The following CDH9 variants were observed in gnomAD, a reference collection of about 807,000 sequenced individuals.
CDH9 encodes the protein cadherin-9.
Under a neutral mutation model 70.9 loss-of-function variants are expected in CDH9, and 28 were observed. The observed-to-expected ratio is 0.40, with a 90% CI of 0.29 to 0.54. The LOEUF is 0.54. CDH9 is among the 20% of genes least tolerant of loss of function. The probability of loss-of-function intolerance (pLI) is 0.59; values close to 1 mark genes in which losing one functional copy is unlikely to be tolerated. For synonymous variants in CDH9, 409 were observed against 343.1 expected (o/e 1.19, Z -2.12); for missense variants, 874 against 984.4 (o/e 0.89, Z 1.50).
intron 2 of CDH9, among the ~76,000 whole-genome samples, chr5:26,963,387 T>C (rs998827285): frequency 6.6e-6 from 1 of 152,176 alleles, no homozygotes; most frequent in Non-Finnish European, 1.5e-5. Flanking sequence ...TCTCAAAATG[T>C]ATATAGAAAA....
chr5:26,926,986 A>G (rs1219363161), intron 2 of CDH9, among the ~76,000 whole-genome samples: 1 of 149,806 alleles, frequency 6.7e-6, no homozygotes, highest in Admixed American at 6.6e-5. Context: ...CTTGATAAAT[A>G]TTGACACAAA....
chr5:26,968,429 G>C (rs1477229211), intron 2 of CDH9, among the ~76,000 whole-genome samples: 1 of 151,984 alleles, frequency 6.6e-6, no homozygotes, highest in Non-Finnish European at 1.5e-5. Context: ...GGGACTATAG[G>C]AGCGCATCAC....
chr5:26,982,249 T>C (rs1742411621), intron 2 of CDH9, among the ~76,000 whole-genome samples: 1 of 152,056 alleles, frequency 6.6e-6, no homozygotes, highest in Admixed American at 6.6e-5. Context: ...GTGGTGGAAG[T>C]GTAAAACAAA....
intron 2 of CDH9, among the ~76,000 whole-genome samples, chr5:26,938,081 G>A (rs1195768765): frequency 6.6e-6 from 1 of 151,918 alleles, no homozygotes; most frequent in Admixed American, 6.6e-5. Flanking sequence ...GGGGCAAGGT[G>A]TAGAGGGAGG....
chr5:26,993,996 G>T (rs989256229), intron 1 of CDH9, among the ~76,000 whole-genome samples: 3 of 152,104 alleles, frequency 2.0e-5, no homozygotes, highest in African/African-American at 7.2e-5. Flanking sequence ...AGTTTGCCTT[G>T]TTGGGTTTTA....
intron 2 of CDH9, among the ~76,000 whole-genome samples, chr5:26,927,414 T>A (rs551759713): frequency 7.6e-4 from 115 of 152,104 alleles, no homozygotes; most frequent in Non-Finnish European, 1.5e-5. Context: ...GAGAAAGACA[T>A]AAATGGCATC....
intron 11 of CDH9, among the ~76,000 whole-genome samples, chr5:26,884,522 A>T (rs1365419121): frequency 6.6e-6 from 1 of 152,142 alleles, no homozygotes; most frequent in East Asian, 1.9e-4. Context: ...GTAGGTGGGG[A>T]TTGAAACTGC....
chr5:26,947,232 C>A (rs1167795069), intron 2 of CDH9, among the ~76,000 whole-genome samples: 1 of 152,112 alleles, frequency 6.6e-6, no homozygotes. Flanking sequence ...AATGATCATG[C>A]TGAGAAATTT....
In CDH9 at chr5:26,893,700, TA is replaced by T. The variant is rs202130434; in HGVS notation, c.1254-3137del. 4.6e-3 allele frequency among the ~76,000 whole-genome samples: 645 copies of T among 139,512 alleles called. 4 individuals carry two copies. The highest frequency in any genetic ancestry group is 0.013 in the African/African-American group (518 of 39,968). 91.5% of individuals were successfully genotyped at this position (139,512 alleles called of 152,430 possible). On this transcript the variant is annotated intron_variant, in intron 7 of 11. Transcript: ENST00000231021. The stretch of plus-strand genomic sequence containing the variant: ...ATATATATTTTATTTTATTTTATTT[TA>T]TTTTTATTTTTGGAAGCAAATGTCA...
chr5:26,883,773 ATCAGGCTGAAAAGTGT>A (rs1740514312), intron 11 of CDH9, among the ~76,000 whole-genome samples: 1 of 118,308 alleles, frequency 8.5e-6, no homozygotes, highest in African/African-American at 2.7e-5. Flanking sequence ...CATTCTTTTC[ATCAGGCTGAAAAGTGT>A]CCCTACAACC....
Position 27,034,719 on chromosome 5 carries a change from C to A in CDH9, c.-50+3744G>T, listed in dbSNP as rs968801435. The stretch of plus-strand genomic sequence containing the variant: ...TTTCTTGGAAATGTTAATATGAAAT[C>A]TCTTGGTCAGGCTCCAGAGACCCTG... On this transcript the variant is annotated intron_variant, in intron 1 of 11. Transcript: ENST00000231021. Among the ~76,000 whole-genome samples the A allele has an allele frequency of 2.6e-4, 40 of 151,564 alleles. 1 individual carries two copies. The highest frequency in any genetic ancestry group is 2.6e-3 in the Admixed American group (39 of 15,142).
At chr5:26,893,960 T>C (rs975251859) in intron 7 of CDH9, among the ~76,000 whole-genome samples, 4 of 152,172 alleles carry the variant, frequency 2.6e-5, no homozygotes, top group African/African-American at 9.6e-5. Context: ...ATCACTATTA[T>C]AAGGTTTTTG....
intron 8 of CDH9, 49 bp downstream of exon 8, chr5:26,890,379 C>A (rs1348711331): frequency 1.9e-6 from 3 of 1,542,476 alleles, no homozygotes; most frequent in Non-Finnish European, 2.7e-6. Flanking sequence ...TATTATTTTA[C>A]CACTTTGATG....
chr5:26,881,157 A>T lies in CDH9; in HGVS notation c.2349T>A (p.Gly783=). ...CCTCTTAGTCTCGGTCACTATCATC[A>T]CCCCCATACATATCGGCAAGTTTTT... is the stretch of plus-strand genomic sequence containing the variant. ...RFKKLADMYG[G]DDSDRD is the part of the protein sequence containing the mutation. Residue 783 remains glycine (G), a synonymous_variant, in exon 12 of 12, where the codon GGT becomes GGA. Coordinates refer to ENST00000231021, the MANE Select transcript of CDH9 (RefSeq NM_016279.4). 6.2e-7 allele frequency: 1 copy of T among 1,608,536 alleles called. No homozygotes were observed. The highest frequency in any genetic ancestry group is 1.1e-5 in the South Asian group (1 of 90,226).
intron 2 of CDH9, among the ~76,000 whole-genome samples, chr5:26,972,423 T>G (rs1005918987): frequency 6.6e-6 from 1 of 152,160 alleles, no homozygotes; most frequent in African/African-American, 2.4e-5. Flanking sequence ...TGTCCCTCAG[T>G]ATATGTGGGG....
intron 4 of CDH9, 22 bp from the exon 5 acceptor site, chr5:26,906,148 A>C: frequency 6.3e-7 from 1 of 1,597,086 alleles, no homozygotes; most frequent in Non-Finnish European, 8.5e-7. Context: ...AGCAGACAAA[A>C]GTTTTGCAAT....
intron 7 of CDH9, among the ~76,000 whole-genome samples, chr5:26,898,975 GA>G (rs916461816): frequency 6.6e-6 from 1 of 151,912 alleles, no homozygotes; most frequent in Admixed American, 6.6e-5. Flanking sequence ...AAATTTACAA[GA>G]AAAAATGAAC....
chr5:26,906,211 G>T, intron 4 of CDH9, 85 bp from the exon 5 acceptor site: 1 of 1,082,992 alleles, frequency 9.2e-7, no homozygotes, highest in South Asian at 1.5e-5. Flanking sequence ...TACAAAAGTT[G>T]ATTATAACAA....
chr5:26,917,550 A>T (rs1232797578), intron 2 of CDH9, among the ~76,000 whole-genome samples: 1 of 152,008 alleles, frequency 6.6e-6, no homozygotes, highest in Non-Finnish European at 1.5e-5. Context: ...GAATTATTTG[A>T]CTATTTAAAT....
Sources: allele counts gnomAD v4.1 joint callset (sites outside exome capture counted in the v4.1 genomes callset), GRCh38; gene constraint gnomAD v4.1.1; transcripts MANE v1.5; gene names NCBI Gene and HGNC (gene_info 2026-07-23, HGNC 2026-07-21).